The following CDH7 variants were observed in gnomAD, a reference collection of about 807,000 sequenced individuals.
CDH7 encodes the protein cadherin 7.
Under a neutral mutation model 71.8 loss-of-function variants are expected in CDH7, and 25 were observed. The observed-to-expected ratio is 0.35, with a 90% CI of 0.25 to 0.49. CDH7 has a LOEUF of 0.49. Ranked by LOEUF, CDH7 falls within the 20% of genes least tolerant of loss-of-function variation. The pLI is 0.99. For synonymous variants in CDH7, 381 were observed against 363.8 expected (o/e 1.05, Z -0.54); for missense variants, 862 against 974.6 (o/e 0.88, Z 1.54).
intron 7 of CDH7, among the ~76,000 whole-genome samples, chr18:65,847,378 G>T (rs901561456): frequency 2.0e-5 from 3 of 152,054 alleles, no homozygotes; most frequent in African/African-American, 7.3e-5. Context: ...GTGGCCAATG[G>T]GATGATTAGT....
intron 11 of CDH7, among the ~76,000 whole-genome samples, chr18:65,864,975 G>A (rs1913709242): frequency 6.6e-6 from 1 of 151,570 alleles, no homozygotes; most frequent in Non-Finnish European, 1.5e-5. Context: ...ATAATGAGAG[G>A]ATAAGTAGAT....
intron 2 of CDH7, among the ~76,000 whole-genome samples, chr18:65,784,514 A>G (rs1910442382): frequency 1.3e-5 from 2 of 152,278 alleles, no homozygotes; most frequent in African/African-American, 2.4e-5. Flanking sequence ...CTGACCCACC[A>G]TATAATTCCA....
chr18:65,768,597 A>G (rs1375200694), intron 2 of CDH7, among the ~76,000 whole-genome samples: 1 of 152,174 alleles, frequency 6.6e-6, no homozygotes, highest in Non-Finnish European at 1.5e-5. Context: ...TTTTCTCTAC[A>G]AAGTGCGCTG....
chr18:65,805,053 G>T lies in CDH7; in HGVS notation c.211-4651G>T, dbSNP rs539847913. ...ACAAATACTGCTGTTTTTCAAAGTGGATTATAAATTTACCAAATTTAATAC... is the reference window on the plus strand; with the variant it reads ...ACAAATACTGCTGTTTTTCAAAGTGTATTATAAATTTACCAAATTTAATAC... On this transcript the variant is annotated intron_variant, in intron 2 of 11. Coordinates refer to ENST00000397968, the MANE Select transcript of CDH7 (RefSeq NM_004361.5). Among the ~76,000 whole-genome samples, 4 of 152,020 alleles carry T rather than the reference G, an allele frequency of 2.6e-5. No homozygotes were observed. The East Asian group carries it at 7.7e-4, about 29-fold the overall frequency.
At chr18:65,790,182 C>G in intron 2 of CDH7, among the ~76,000 whole-genome samples, 1 of 138,868 alleles carries the variant, frequency 7.2e-6, no homozygotes, top group South Asian at 2.3e-4. Flanking sequence ...GATCGCGCCA[C>G]TGCACTCCAG....
intron 6 of CDH7, among the ~76,000 whole-genome samples, chr18:65,838,703 T>C (rs1912620396): frequency 6.6e-6 from 1 of 152,160 alleles, no homozygotes; most frequent in Non-Finnish European, 1.5e-5. Context: ...TGAAGAAAAA[T>C]GAAGTGCAAT....
At chr18:65,878,817 A>C (rs937754983) in intron 11 of CDH7, among the ~76,000 whole-genome samples, 1 of 152,204 alleles carries the variant, frequency 6.6e-6, no homozygotes, top group African/African-American at 2.4e-5. Context: ...GCAGCATGAG[A>C]AGGTGGCCAG....
Position 65,768,771 on chromosome 18 carries a change from G to T in CDH7, c.210+5719G>T, listed in dbSNP as rs73542724. On this transcript the variant is annotated intron_variant, in intron 2 of 11. Transcript: ENST00000397968. ...TATGTAGGCAAGGACTATATTGGGAGAAATTGGGTCCTCATCGTTTTGTAT... is the reference window on the plus strand; with the variant it reads ...TATGTAGGCAAGGACTATATTGGGATAAATTGGGTCCTCATCGTTTTGTAT... 6.7e-3 allele frequency among the ~76,000 whole-genome samples: 1,025 copies of T among 152,202 alleles called. 11 individuals are homozygous for T. Among genetic ancestry groups the T allele is most frequent in the African/African-American group, 0.023 (959 of 41,522 alleles).
Position 65,839,167 on chromosome 18 carries a change from C to G in CDH7, c.982-4645C>G, listed in dbSNP as rs28705838. 5.7e-3 allele frequency among the ~76,000 whole-genome samples: 863 copies of G among 152,206 alleles called. 13 individuals carry two copies. The highest frequency in any genetic ancestry group is 0.015 in the African/African-American group (603 of 41,524). ...GGCTTTTTGGACTTTTACTAGAACT[C>G]TTTGCTATTTAGTTTTCACATGTAT... On this transcript the variant is annotated intron_variant, in intron 6 of 11. Coordinates refer to ENST00000397968, the MANE Select transcript of CDH7 (RefSeq NM_004361.5).
At position 65,888,667 on chromosome 18, in the gene CDH7, T is replaced by G. The variant is rs1429560229; in HGVS notation, c.*7773T>G. ...TGGTTTCAATTTTCTTATAAGTCTG[T>G]GAATCACTCAAGTTAGGCATTGTTA... is the stretch of plus-strand genomic sequence containing the variant. On this transcript the variant is annotated 3_prime_UTR_variant, in exon 12 of 12. Transcript: ENST00000397968. 15 of 152,116 alleles carry G rather than the reference T, an allele frequency of 9.9e-5. No individual in the cohort carries two copies. Among genetic ancestry groups the G allele is most frequent in the African/African-American group, 3.6e-4 (15 of 41,408 alleles). 9.4% of individuals were successfully genotyped at this position (152,116 alleles called of 1,614,324 possible). A position where few individuals can be genotyped will look rare whatever the true frequency, so the allele number is the denominator to read the frequency against.
At chr18:65,858,316 A>G (rs1260224546) in intron 8 of CDH7, among the ~76,000 whole-genome samples, 1 of 152,058 alleles carries the variant, frequency 6.6e-6, no homozygotes, top group Non-Finnish European at 1.5e-5. Flanking sequence ...ATATTCTGAT[A>G]CTGAACTAAG....
chr18:65,806,971 A>G (rs1301340073), intron 2 of CDH7, among the ~76,000 whole-genome samples: 6 of 152,198 alleles, frequency 3.9e-5, no homozygotes, highest in African/African-American at 1.4e-4. Flanking sequence ...CACTGAGTTT[A>G]GACTCCAAGC....
intron 2 of CDH7, among the ~76,000 whole-genome samples, chr18:65,808,598 A>G (rs1911410717): frequency 6.6e-6 from 1 of 152,224 alleles, no homozygotes; most frequent in Non-Finnish European, 1.5e-5. Flanking sequence ...AATCACTTAC[A>G]GAAATTCAAG....
intron 2 of CDH7, among the ~76,000 whole-genome samples, chr18:65,776,019 G>GT (rs112207183): frequency 0.013 from 2,005 of 152,232 alleles, 59 homozygotes; most frequent in African/African-American, 0.046. Flanking sequence ...AAGAGCAGAT[G>GT]TTAGTTATAT....
intron 7 of CDH7, among the ~76,000 whole-genome samples, chr18:65,850,173 A>ATATATATATATATATATATATAT (rs145348057): frequency 1.2e-4 from 8 of 65,294 alleles, no homozygotes; most frequent in African/African-American, 4.5e-4. Flanking sequence ...CACTATATAT[A>ATATATATATATATATATATATAT]ATATATATAT....
At chr18:65,879,136 G>A (rs9945997) in intron 11 of CDH7, among the ~76,000 whole-genome samples, 14,569 of 152,194 alleles carry the variant, frequency 0.096, 1,242 homozygotes, top group African/African-American at 0.22. Context: ...TGAGGTGGGG[G>A]ATGGAGTATG....
chr18:65,864,013 A>T (rs969023781), intron 11 of CDH7: 6 of 152,252 alleles, frequency 3.9e-5, no homozygotes, highest in African/African-American at 1.4e-4. Flanking sequence ...GCTAAGACCT[A>T]GTTACTAATA....
intron 11 of CDH7, among the ~76,000 whole-genome samples, chr18:65,876,964 A>T (rs1390108675): frequency 6.6e-6 from 1 of 152,220 alleles, no homozygotes; most frequent in South Asian, 2.1e-4. Context: ...AGTAGAGGTC[A>T]TATGACACAA....
At chr18:65,796,231 A>T (rs1040210627) in intron 2 of CDH7, among the ~76,000 whole-genome samples, 1 of 152,042 alleles carries the variant, frequency 6.6e-6, no homozygotes, top group African/African-American at 2.4e-5. Flanking sequence ...ACAGATCGTC[A>T]CTCCCAAGCA....
Sources: allele counts gnomAD v4.1 joint callset (sites outside exome capture counted in the v4.1 genomes callset), GRCh38; gene constraint gnomAD v4.1.1; transcripts MANE v1.5; gene names NCBI Gene and HGNC (gene_info 2026-07-23, HGNC 2026-07-21).